TNIK: variants seen among roughly 807,000 people sequenced by gnomAD.
TNIK encodes TRAF2 and NCK-interacting protein kinase.
TNIK carries 49 observed loss-of-function variants against 191.3 expected under a neutral mutation model. That is an observed-to-expected ratio of 0.26 (90% CI 0.20 to 0.32). The LOEUF is 0.32. Among genes scored for constraint, TNIK ranks in the 10% least tolerant of loss-of-function variants. TNIK has a pLI of 1.00. For missense variants in TNIK, 1,155 were observed against 1,702.3 expected (o/e 0.68, Z 5.66); for synonymous variants, 594 against 600.9 (o/e 0.99, Z 0.17).
intron 2 of TNIK, among the ~76,000 whole-genome samples, chr3:171,357,698 G>C (rs1415235787): frequency 6.6e-6 from 1 of 152,060 alleles, no homozygotes; most frequent in Non-Finnish European, 1.5e-5. Flanking sequence ...GGAGAGAAGA[G>C]GCAGGGAAAA....
At chr3:171,415,241 C>T (rs1321291106) in intron 1 of TNIK, among the ~76,000 whole-genome samples, 1 of 152,134 alleles carries the variant, frequency 6.6e-6, no homozygotes. Context: ...ACCCCAGACG[C>T]ACTCTGCAAC....
chr3:171,116,524 GTGGCCCAAATACTTGGGCCAAGTC>G, intron 18 of TNIK, among the ~76,000 whole-genome samples: 1 of 152,314 alleles, frequency 6.6e-6, no homozygotes, highest in Non-Finnish European at 1.5e-5. Context: ...AAGTAATTTT[GTGGCCCAAATACTTGGGCCAAGTC>G]TTTAATTAAC....
At chr3:171,228,319 CTA>C (rs1486479505) in intron 2 of TNIK, 98 bp from the exon 3 acceptor site, 6 of 1,227,480 alleles carry the variant, frequency 4.9e-6, no homozygotes, top group Middle Eastern at 1.9e-4. Flanking sequence ...CAGTGCTGTA[CTA>C]TGTCAATGGG....
intron 32 of TNIK, 61 bp from the exon 33 acceptor site, chr3:171,064,025 C>T: frequency 6.6e-7 from 1 of 1,514,854 alleles, no homozygotes; most frequent in Non-Finnish European, 9.1e-7. Context: ...TTTTCTTCAA[C>T]CGTCCATCCA....
At chr3:171,433,937 CTTTTTTT>C (rs67036993) in intron 1 of TNIK, among the ~76,000 whole-genome samples, 8 of 71,116 alleles carry the variant, frequency 1.1e-4, no homozygotes, top group South Asian at 6.2e-4. Context: ...TTTCTTTTTC[CTTTTTTT>C]TTTTTTTTTT....
chr3:171,262,422 C>A (rs949237827), intron 2 of TNIK, among the ~76,000 whole-genome samples: 1 of 152,082 alleles, frequency 6.6e-6, no homozygotes, highest in African/African-American at 2.4e-5. Flanking sequence ...TGTCTTGTCC[C>A]CCAGAGTCCA....
At chr3:171,459,847 C>T (rs1204895671) in intron 1 of TNIK, among the ~76,000 whole-genome samples, 160 bp downstream of exon 1, 2 of 152,000 alleles carry the variant, frequency 1.3e-5, no homozygotes, top group East Asian at 3.9e-4. Flanking sequence ...CAGCCAGGAG[C>T]ACCTCAGCAA....
At position 171,197,386 on chromosome 3, in the gene TNIK, T is replaced by TA. The variant is rs528483576; in HGVS notation, c.307-2752dup. 3.9e-3 allele frequency among the ~76,000 whole-genome samples: 564 copies of TA among 142,796 alleles called. 12 individuals carry two copies. Among genetic ancestry groups the TA allele is most frequent in the Admixed American group, 0.03 (439 of 14,532 alleles). The allele number at this position is 142,796 out of a possible 152,430, so 93.7% of individuals were successfully genotyped here. ...GACAACAAATGCACAAGCACCAAAATAAAAAAAAAAGAAAAAATTAATTTT... is the reference window on the plus strand; with the variant it reads ...GACAACAAATGCACAAGCACCAAAATAAAAAAAAAAAGAAAAAATTAATTTT... On this transcript the variant is annotated intron_variant, in intron 4 of 32. Coordinates refer to ENST00000436636, the MANE Select transcript of TNIK (RefSeq NM_015028.4).
In TNIK at chr3:171,278,342, A is replaced by G. The variant is rs193041140; in HGVS notation, c.124-50121T>C. Among the ~76,000 whole-genome samples the G allele has an allele frequency of 1.1e-4, 16 of 152,348 alleles. No homozygotes were observed. In the South Asian group the frequency reaches 1.9e-3, roughly 18 times the overall value. On this transcript the variant is annotated intron_variant, in intron 2 of 32. Transcript: ENST00000436636. ...AAAAGAGCAGCCTTTACATGCTCAC[A>G]TAACAATGAATTTCTGCTTGTTTCT...
chr3:171,069,080 T>C (rs1248995619), intron 29 of TNIK, 83 bp from the exon 30 acceptor site: 4 of 1,446,688 alleles, frequency 2.8e-6, no homozygotes, highest in Non-Finnish European at 3.7e-6. Context: ...TAGAGGAAGT[T>C]AACTTCTAAC....
chr3:171,313,894 G>A (rs933490781), intron 2 of TNIK, among the ~76,000 whole-genome samples: 23 of 152,068 alleles, frequency 1.5e-4, no homozygotes, highest in African/African-American at 4.8e-4. Context: ...ATCCGGGCAC[G>A]GTATGACATC....
intron 2 of TNIK, among the ~76,000 whole-genome samples, chr3:171,323,308 A>G (rs994927140): frequency 1.3e-5 from 2 of 152,202 alleles, no homozygotes; most frequent in African/African-American, 4.8e-5. Context: ...GCTGGGGGGC[A>G]GGAGTAGAAA....
At chr3:171,188,860 G>A (rs1200159534) in intron 6 of TNIK, 28 bp from the exon 7 acceptor site, 4 of 1,610,298 alleles carry the variant, frequency 2.5e-6, no homozygotes, top group Non-Finnish European at 3.4e-6. Context: ...AGTAAATAAA[G>A]TCTGTGATCA....
At position 171,276,523 on chromosome 3, in the gene TNIK, C is replaced by A. The variant is rs541722604; in HGVS notation, c.124-48302G>T. 2.6e-5 allele frequency among the ~76,000 whole-genome samples: 4 copies of A among 152,130 alleles called. No individual in the cohort carries two copies. The South Asian group carries it at 6.2e-4, about 24-fold the overall frequency. On this transcript the variant is annotated intron_variant, in intron 2 of 32. Coordinates refer to ENST00000436636, the MANE Select transcript of TNIK (RefSeq NM_015028.4). ...AATTCCATAAAAACAAACAGCCATA[C>A]GAACAAGAAAATTAAACTATAATGA...
intron 4 of TNIK, among the ~76,000 whole-genome samples, chr3:171,210,629 C>T (rs1020605404): frequency 6.6e-6 from 1 of 152,180 alleles, no homozygotes; most frequent in African/African-American, 2.4e-5. Context: ...CAGCGATAGA[C>T]AGAGAATCGC....
At chr3:171,337,462 C>T (rs7629197) in intron 2 of TNIK, among the ~76,000 whole-genome samples, 241 of 152,312 alleles carry the variant, frequency 1.6e-3, no homozygotes, top group African/African-American at 5.6e-3. Context: ...CACTGTGGGA[C>T]GCCTTTGCAT....
intron 1 of TNIK, among the ~76,000 whole-genome samples, chr3:171,370,452 C>T (rs1014066979): frequency 6.6e-6 from 1 of 152,080 alleles, no homozygotes; most frequent in African/African-American, 2.4e-5. Context: ...AATTACTATC[C>T]CAAAAAGTTG....
intron 1 of TNIK, among the ~76,000 whole-genome samples, chr3:171,384,223 T>C (rs572614290): frequency 2.0e-5 from 3 of 152,334 alleles, no homozygotes; most frequent in East Asian, 1.9e-4. Flanking sequence ...AAAGATCGCT[T>C]TGAATGTATC....
intron 23 of TNIK, among the ~76,000 whole-genome samples, chr3:171,090,630 A>ACCTTCTTTTG (rs1721944168): frequency 6.6e-6 from 1 of 152,042 alleles, no homozygotes; most frequent in Non-Finnish European, 1.5e-5. Context: ...GAGAACAGGG[A>ACCTTCTTTTG]CCTTCTTTTG....
Sources: gnomAD v4.1 joint callset for allele counts (sites outside exome capture counted in the v4.1 genomes callset) on GRCh38, gnomAD v4.1.1 for gene constraint, MANE v1.5 for transcripts, NCBI Gene and HGNC (gene_info 2026-07-23, HGNC 2026-07-21) for gene names.